The following GCFC2 variants were observed in gnomAD, a reference collection of about 807,000 sequenced individuals.
GCFC2 encodes the protein GC-rich sequence DNA-binding factor 2.
A neutral mutation model predicts 99.4 loss-of-function variants in GCFC2; 102 were observed. That is an observed-to-expected ratio of 1.03 (90% CI 0.87 to 1.21). GCFC2 has a LOEUF of 1.21. GCFC2 is among the 50% of genes most tolerant of loss of function. The probability of loss-of-function intolerance (pLI) is 0.00; values close to 1 mark genes in which losing one functional copy is unlikely to be tolerated. For synonymous variants in GCFC2, 338 were observed against 316.8 expected (o/e 1.07, Z -0.71); for missense variants, 973 against 920.9 (o/e 1.06, Z -0.73).
intron 4 of GCFC2, among the ~76,000 whole-genome samples, chr2:75,696,854 C>T (rs1039755825): frequency 1.3e-5 from 2 of 151,936 alleles, no homozygotes; most frequent in Non-Finnish European, 2.9e-5. Context: ...GGCACAATCT[C>T]GGCTCACTGC....
intron 1 of GCFC2, among the ~76,000 whole-genome samples, chr2:75,710,274 T>G (rs148287041): frequency 1.4e-3 from 213 of 152,330 alleles, no homozygotes; most frequent in Middle Eastern, 3.4e-3. Flanking sequence ...TTGTGACAGT[T>G]TAGGTTCTTC....
At chr2:75,711,020 G>C, upstream of GCFC2, 4 of 1,338,004 alleles carry the variant, frequency 3.0e-6, no homozygotes, top group South Asian at 7.8e-5. Flanking sequence ...TGCGTGCTTT[G>C]GCTCCCTGGA....
chr2:75,702,222 C>G lies in GCFC2; in HGVS notation c.596G>C (p.Arg199Thr). The part of the protein sequence containing the change: ...IPFTLRPQTL[R>T]QRMAEESISR... ...ACTTGATTCCTCAGCCATCCTTTGTCTAAGTGTTTGAGGTCTTAGAGTAAA... is the reference window on the plus strand; with the variant it reads ...ACTTGATTCCTCAGCCATCCTTTGTGTAAGTGTTTGAGGTCTTAGAGTAAA... The change falls in exon 3 of 17, where the codon AGA (arginine) becomes ACA (threonine). Residue 199 changes from arginine to threonine, a missense_variant. Arg to Thr is a moderately conservative substitution (Grantham distance 71). Transcript: ENST00000321027. 6.2e-7 allele frequency: 1 copy of G among 1,608,442 alleles called. No individual in the cohort carries two copies. Among genetic ancestry groups the G allele is most frequent in the Admixed American group, 1.7e-5 (1 of 60,014 alleles).
At chr2:75,676,708 T>C (rs1275033772) in intron 12 of GCFC2, among the ~76,000 whole-genome samples, 1 of 152,210 alleles carries the variant, frequency 6.6e-6, no homozygotes, top group African/African-American at 2.4e-5. Flanking sequence ...TAATCTGTCT[T>C]ACTTATGCTG....
rs773792402 is a variant in GCFC2, at chr2:75,663,006, A to G, written c.*1660T>C. On this transcript the variant is annotated 3_prime_UTR_variant, in exon 17 of 17. Transcript: ENST00000321027. ...AGGATAACATTAAAATGAAAACAGC[A>G]GTTATCTCTGGGGACAGCGGTTGTG... 1 of 152,114 alleles carries G rather than the reference A, an allele frequency of 6.6e-6. No individual in the cohort carries two copies. Among genetic ancestry groups the G allele is most frequent in the Admixed American group, 6.5e-5 (1 of 15,270 alleles). The allele number at this position is 152,114 out of a possible 1,614,324, so 9.4% of individuals were successfully genotyped here.
At chr2:75,678,736 C>T (rs1399084480) in intron 12 of GCFC2, among the ~76,000 whole-genome samples, 1 of 152,202 alleles carries the variant, frequency 6.6e-6, no homozygotes, top group Non-Finnish European at 1.5e-5. Flanking sequence ...TCATTTTCTT[C>T]ATCTATAAAA....
At chr2:75,695,591 G>C (rs1680275355) in intron 5 of GCFC2, among the ~76,000 whole-genome samples, 1 of 152,112 alleles carries the variant, frequency 6.6e-6, no homozygotes, top group Non-Finnish European at 1.5e-5. Context: ...TAGGTTCCAA[G>C]ACCCCCAGTG....
chr2:75,696,637 T>C (rs2104377057), intron 4 of GCFC2, among the ~76,000 whole-genome samples: 1 of 152,344 alleles, frequency 6.6e-6, no homozygotes, highest in East Asian at 1.9e-4. Flanking sequence ...GAATATTAAT[T>C]TGTGGAGTAG....
intron 12 of GCFC2, among the ~76,000 whole-genome samples, chr2:75,677,175 AT>A (rs1679379196): frequency 6.6e-6 from 1 of 152,220 alleles, no homozygotes; most frequent in Non-Finnish European, 1.5e-5. Flanking sequence ...TGCTTTTTAA[AT>A]TTAAGTATTC....
At chr2:75,675,585 A>G (rs1280544752) in intron 12 of GCFC2, among the ~76,000 whole-genome samples, 2 of 152,070 alleles carry the variant, frequency 1.3e-5, no homozygotes, top group African/African-American at 4.8e-5. Flanking sequence ...TCTACTAAAA[A>G]TAGAAAAAAT....
intron 15 of GCFC2, among the ~76,000 whole-genome samples, chr2:75,667,597 T>TAAA (rs1178246838): frequency 6.6e-6 from 1 of 152,226 alleles, no homozygotes; most frequent in Non-Finnish European, 1.5e-5. Flanking sequence ...AAACTCTTTT[T>TAAA]AAAAGTTTTA....
intron 7 of GCFC2, 101 bp downstream of exon 7, chr2:75,691,876 A>G: frequency 1.7e-6 from 1 of 585,362 alleles, no homozygotes; most frequent in Non-Finnish European, 2.5e-6. Context: ...GTTTGTGGGA[A>G]AATACATGAA....
intron 3 of GCFC2, 65 bp from the exon 4 acceptor site, chr2:75,701,352 C>G: frequency 1.1e-6 from 1 of 892,426 alleles, no homozygotes; most frequent in Non-Finnish European, 1.9e-6. Flanking sequence ...AGCAAGCCAA[C>G]ATTTTTTGAG....
At chr2:75,671,615 T>G (rs1483144476) in intron 14 of GCFC2, among the ~76,000 whole-genome samples, 1 of 152,224 alleles carries the variant, frequency 6.6e-6, no homozygotes, top group Admixed American at 6.5e-5. Context: ...TCCTGTTGCC[T>G]GTTTTTATAG....
At chr2:75,671,816 AT>A (rs1438659221) in intron 14 of GCFC2, 133 bp downstream of exon 14, 10 of 401,548 alleles carry the variant, frequency 2.5e-5, no homozygotes, top group Non-Finnish European at 3.8e-5. Context: ...GAGTTGAGTA[AT>A]TCGACAGAGA....
At chr2:75,696,696 T>A (rs185235932) in intron 4 of GCFC2, among the ~76,000 whole-genome samples, 146 of 152,312 alleles carry the variant, frequency 9.6e-4, no homozygotes, top group Middle Eastern at 6.8e-3. Flanking sequence ...TAGAAGTACC[T>A]ATTTAACTGC....
chr2:75,674,918 T>C (rs1286601661), intron 12 of GCFC2, among the ~76,000 whole-genome samples: 1 of 152,160 alleles, frequency 6.6e-6, no homozygotes, highest in Non-Finnish European at 1.5e-5. Flanking sequence ...ACATTCTGAA[T>C]TCTGTTCAAA....
rs757715380 is a variant in GCFC2 at position 75,662,930 on chromosome 2, A to G, written c.*1736T>C. 1 of 151,054 alleles carries G rather than the reference A, an allele frequency of 6.6e-6. No homozygotes were observed. Among genetic ancestry groups the G allele is most frequent in the Non-Finnish European group, 1.5e-5 (1 of 67,810 alleles). The allele number at this position is 151,054 out of a possible 1,614,324, so 9.4% of individuals were successfully genotyped here. A position where few individuals can be genotyped will look rare whatever the true frequency, so the allele number is the denominator to read the frequency against. On this transcript the variant is annotated 3_prime_UTR_variant, in exon 17 of 17. Coordinates refer to ENST00000321027, the MANE Select transcript of GCFC2 (RefSeq NM_003203.5). Reference sequence around the variant, plus strand: ...AAAAAAAAAAAAAAAACCCAAAACTATGTACACATAGAAACACGTAACATT... The same window carrying G: ...AAAAAAAAAAAAAAAACCCAAAACTGTGTACACATAGAAACACGTAACATT...
chr2:75,680,010 ATTT>A (rs76432157), intron 12 of GCFC2, among the ~76,000 whole-genome samples, 180 bp downstream of exon 12: 1 of 151,774 alleles, frequency 6.6e-6, no homozygotes, highest in Non-Finnish European at 1.5e-5. Flanking sequence ...AGTTTAAAAA[ATTT>A]TTTTTTCATC....
Sources: gnomAD v4.1 joint callset for allele counts (sites outside exome capture counted in the v4.1 genomes callset) on GRCh38, gnomAD v4.1.1 for gene constraint, MANE v1.5 for transcripts, NCBI Gene and HGNC (gene_info 2026-07-23, HGNC 2026-07-21) for gene names.